HIBCH: variants seen among roughly 807,000 people sequenced by gnomAD.
HIBCH encodes the protein 3-hydroxyisobutyryl-CoA hydrolase, also known as 3-hydroxyisobutyryl-CoA hydrolase, mitochondrial.
A neutral mutation model predicts 58.2 loss-of-function variants in HIBCH; 50 were observed. That is an observed-to-expected ratio of 0.86 (90% confidence interval 0.68 to 1.09). The LOEUF (loss-of-function observed/expected upper bound fraction) is 1.09. HIBCH is among the 50% of genes least tolerant of loss of function. The probability of loss-of-function intolerance (pLI) is 0.00; values close to 1 mark genes in which losing one functional copy is unlikely to be tolerated. For synonymous variants in HIBCH, 151 were observed against 146.9 expected (o/e 1.03, Z -0.20); for missense variants, 450 against 449.7 (o/e 1.00, Z -0.01).
At position 190,281,917 on chromosome 2, in the gene HIBCH, T is replaced by C. The variant is rs115914716; in HGVS notation, c.438+5669A>G. ...TGTCACTTTATTACAAGGATGCTCT[T>C]TACTCCAATATCTTGTTCCTCATTT... is the stretch of plus-strand genomic sequence containing the variant. On this transcript the variant is annotated intron_variant, in intron 6 of 13. Transcript: ENST00000359678. The surrounding 1 kb of genome is among the most constrained non-coding windows in gnomAD (Gnocchi z 5.4). Among the ~76,000 whole-genome samples, 1,027 of 152,314 alleles carry C rather than the reference T, an allele frequency of 6.7e-3. 13 individuals carry two copies. The highest frequency in any genetic ancestry group is 0.022 in the African/African-American group (933 of 41,562).
At chr2:190,212,871 T>A in intron 12 of HIBCH, 85 bp downstream of exon 12, 4 of 1,207,372 alleles carry the variant, frequency 3.3e-6, no homozygotes, top group Non-Finnish European at 4.7e-6. Flanking sequence ...TTTTCTTGTT[T>A]GCACTTAGTG....
chr2:190,316,126 A>C (rs2124876804), intron 1 of HIBCH, among the ~76,000 whole-genome samples: 2 of 152,252 alleles, frequency 1.3e-5, no homozygotes, highest in South Asian at 4.2e-4. Context: ...GGTCAGCAGC[A>C]TTTTATTTTT....
chr2:190,311,155 A>AG (rs1688545552), intron 1 of HIBCH: 3 of 412,832 alleles, frequency 7.3e-6, no homozygotes, highest in African/African-American at 2.1e-5. Context: ...AAATGCATAC[A>AG]TACTACTAAG....
At chr2:190,301,549 C>T (rs1223950749) in intron 2 of HIBCH, among the ~76,000 whole-genome samples, 2 of 152,194 alleles carry the variant, frequency 1.3e-5, no homozygotes, top group African/African-American at 4.8e-5. Flanking sequence ...GGGAATGGAA[C>T]TCCTCTGCAT....
At chr2:190,294,000 T>G (rs1688030851) in intron 4 of HIBCH, among the ~76,000 whole-genome samples, 1 of 136,848 alleles carries the variant, frequency 7.3e-6, no homozygotes, top group African/African-American at 2.7e-5. Context: ...ACAATATATA[T>G]TTTGTAATAT....
chr2:190,200,729 T>TAG (rs1033185458), downstream of HIBCH: 4 of 168,660 alleles, frequency 2.4e-5, no homozygotes, highest in African/African-American at 9.7e-5. Context: ...CTCAGGGCCC[T>TAG]AACTAATTAC....
chr2:190,212,435 AATAAAT>A (rs1474392884), intron 12 of HIBCH, among the ~76,000 whole-genome samples: 1 of 152,232 alleles, frequency 6.6e-6, no homozygotes, highest in Non-Finnish European at 1.5e-5. Context: ...TGGAAGAATA[AATAAAT>A]ATAAATATGA....
rs1690597954 is a variant in HIBCH, at chr2:190,215,038, C to A, written c.892-1963G>T. ...TTTGTGAATGCACCTCTAACAAGTA[C>A]TGAGGTTAGGAATTTTAAAAAGGAA... is the stretch of plus-strand genomic sequence containing the variant. On this transcript the variant is annotated intron_variant, in intron 11 of 13. Transcript: ENST00000359678. The surrounding 1 kb of genome is among the most constrained non-coding windows in gnomAD (Gnocchi z 4.4). 1 of 152,188 alleles carries A rather than the reference C, an allele frequency of 6.6e-6. No homozygotes were observed. The highest frequency in any genetic ancestry group is 2.4e-5 in the African/African-American group (1 of 41,436). 9.4% of individuals were successfully genotyped at this position (152,188 alleles called of 1,614,324 possible). A position where few individuals can be genotyped will look rare whatever the true frequency, so the allele number is the denominator to read the frequency against.
At chr2:190,198,352 G>A (rs1216221795) in intron 1 of HIBCH, among the ~76,000 whole-genome samples, 1 of 152,084 alleles carries the variant, frequency 6.6e-6, no homozygotes, top group Admixed American at 6.6e-5. Flanking sequence ...TAAGATCAGT[G>A]GTTTCAGGCC....
chr2:190,282,995 C>T (rs1243340501), intron 6 of HIBCH, among the ~76,000 whole-genome samples: 1 of 152,126 alleles, frequency 6.6e-6, no homozygotes, highest in Non-Finnish European at 1.5e-5. Flanking sequence ...GAAATCACAT[C>T]TAATTGTAGT....
At chr2:190,225,943 C>G (rs1685879083) in intron 11 of HIBCH, among the ~76,000 whole-genome samples, 1 of 152,188 alleles carries the variant, frequency 6.6e-6, no homozygotes, top group South Asian at 2.1e-4. Flanking sequence ...GGCTTCATCC[C>G]TGGGATGCAA....
At chr2:190,274,389 T>C (rs1464069127) in intron 6 of HIBCH, among the ~76,000 whole-genome samples, 2 of 152,218 alleles carry the variant, frequency 1.3e-5, no homozygotes, top group East Asian at 1.9e-4. Flanking sequence ...GTAGTTCCCA[T>C]TTAACAGAGC....
chr2:190,282,494 C>T (rs950014463), intron 6 of HIBCH, among the ~76,000 whole-genome samples: 28 of 152,190 alleles, frequency 1.8e-4, no homozygotes, highest in South Asian at 4.1e-4. Context: ...ACTAACCATT[C>T]CCATAAGAAC....
Position 190,216,979 on chromosome 2 carries a change from T to C in HIBCH, c.892-3904A>G, listed in dbSNP as rs1258728541. ...GCTCTCCGCCTGCCAGGGAGAGGAA[T>C]GGTGTCTTCAAAGCAAACAATGAGG... On this transcript the variant is annotated intron_variant, in intron 11 of 13. Coordinates refer to ENST00000359678, the MANE Select transcript of HIBCH (RefSeq NM_014362.4). This position sits in a 1 kb window ranked among gnomAD's most constrained non-coding sequence, Gnocchi z 4.2. 1.3e-5 allele frequency among the ~76,000 whole-genome samples: 2 copies of C among 152,120 alleles called. No homozygotes were observed. The highest frequency in any genetic ancestry group is 1.5e-5 in the Non-Finnish European group (1 of 68,014).
In HIBCH at chr2:190,214,510, T is replaced by TA. The variant is rs1231057944; in HGVS notation, c.892-1436dup. On this transcript the variant is annotated intron_variant, in intron 11 of 13. Coordinates refer to ENST00000359678, the MANE Select transcript of HIBCH (RefSeq NM_014362.4). The surrounding 1 kb of genome is among the most constrained non-coding windows in gnomAD (Gnocchi z 5.5). Reference sequence around the variant, plus strand: ...AGGAACAAGGAAAAGCAAAAGATGATAGAGTATTGCTGTTTTATCTGGCCC... The same window carrying TA: ...AGGAACAAGGAAAAGCAAAAGATGATAAGAGTATTGCTGTTTTATCTGGCCC... 1.3e-5 allele frequency: 2 copies of TA among 152,200 alleles called. No individual in the cohort carries two copies. The highest frequency in any genetic ancestry group is 4.8e-5 in the African/African-American group (2 of 41,444). 9.4% of individuals were successfully genotyped at this position (152,200 alleles called of 1,614,324 possible). A position where few individuals can be genotyped will look rare whatever the true frequency, so the allele number is the denominator to read the frequency against.
intron 3 of HIBCH, among the ~76,000 whole-genome samples, chr2:190,295,066 GTAA>G (rs1298661889): frequency 2.0e-5 from 3 of 152,120 alleles, no homozygotes; most frequent in African/African-American, 7.2e-5. Context: ...CTCTTAATAC[GTAA>G]GTAACATAGT....
chr2:190,308,042 T>C (rs937677354), intron 2 of HIBCH, among the ~76,000 whole-genome samples: 1 of 152,378 alleles, frequency 6.6e-6, no homozygotes, highest in East Asian at 1.9e-4. Flanking sequence ...TCTCTCTCTC[T>C]GTCTCAGAAA....
At chr2:190,205,558 CA>C (rs2105895310) in intron 13 of HIBCH, among the ~76,000 whole-genome samples, 1 of 152,204 alleles carries the variant, frequency 6.6e-6, no homozygotes, top group East Asian at 1.9e-4. Flanking sequence ...GAAACCTCCA[CA>C]TTACAAAACA....
chr2:190,310,855 C>CA, intron 1 of HIBCH, 59 bp from the exon 2 acceptor site: 1 of 1,167,162 alleles, frequency 8.6e-7, no homozygotes, highest in East Asian at 2.3e-5. Context: ...TCTCAGTTGA[C>CA]AAATAGTATA....
Sources: gnomAD v4.1 joint callset for allele counts (sites outside exome capture counted in the v4.1 genomes callset) on GRCh38, gnomAD v4.1.1 for gene constraint, Gnocchi (gnomAD v3.1) non-coding constraint, MANE v1.5 for transcripts, NCBI Gene and HGNC (gene_info 2026-07-23, HGNC 2026-07-21) for gene names.